CLTCL1: variants seen among roughly 807,000 people sequenced by gnomAD.
The protein encoded by CLTCL1 is clathrin heavy chain 2.
A neutral mutation model predicts 190.0 loss-of-function variants in CLTCL1; 159 were observed. The observed-to-expected ratio is 0.84, with a 90% CI of 0.74 to 0.95. The LOEUF (loss-of-function observed/expected upper bound fraction) is 0.95, where lower values mean the gene tolerates loss of function less well. CLTCL1 is among the 40% of genes least tolerant of loss of function. CLTCL1 has a pLI of 0.00. For missense variants in CLTCL1, 1,878 were observed against 2,033.4 expected (o/e 0.92, Z 1.47); for synonymous variants, 752 against 769.6 (o/e 0.98, Z 0.38).
chr22:19,281,016 C>A (rs530950589), intron 1 of CLTCL1, among the ~76,000 whole-genome samples: 1 of 150,492 alleles, frequency 6.6e-6, no homozygotes, highest in Non-Finnish European at 1.5e-5. Context: ...GTGGGCCGGG[C>A]GCGGCGGCTC....
chr22:19,246,978 A>G (rs554832845), intron 3 of CLTCL1, among the ~76,000 whole-genome samples: 92 of 152,314 alleles, frequency 6.0e-4, no homozygotes, highest in Non-Finnish European at 1.2e-3. Flanking sequence ...CCTTTTATGC[A>G]CAAAAGTTTT....
chr22:19,247,854 C>A (rs1162452126), intron 3 of CLTCL1, among the ~76,000 whole-genome samples: 2 of 151,920 alleles, frequency 1.3e-5, no homozygotes, highest in African/African-American at 4.8e-5. Flanking sequence ...AGTCACCGTG[C>A]CTGGCCCCCA....
In CLTCL1 at chr22:19,180,195, T is replaced by C. The variant is rs782299325; in HGVS notation, c.*20+4A>G. ...ATAAGCTAGTCTCCAAATGGGACAC[T>C]TACTTAGTGCAATCAGCTGGGTCTC... On this transcript the variant is annotated splice_donor_region_variant and intron_variant, in intron 32 of 32. Transcript: ENST00000427926. The C allele has an allele frequency of 1.2e-6, 2 of 1,613,274 alleles. No individual in the cohort carries two copies. Among genetic ancestry groups the C allele is most frequent in the South Asian group, 1.1e-5 (1 of 91,068 alleles).
Position 19,189,227 on chromosome 22 carries a change from A to G in CLTCL1, c.4324-1136T>C, listed in dbSNP as rs928209179. On this transcript the variant is annotated intron_variant, in intron 27 of 32. Coordinates refer to ENST00000427926, the MANE Select transcript of CLTCL1 (RefSeq NM_007098.4). The stretch of plus-strand genomic sequence containing the variant: ...TGGCAATTTCTTAAAATAAGACATC[A>G]ATGAGGTTTGCCTCACTGACTGACT... Among the ~76,000 whole-genome samples, 3 of 152,182 alleles carry G rather than the reference A, an allele frequency of 2.0e-5. No homozygotes were observed. The East Asian group carries it at 5.8e-4, about 29-fold the overall frequency.
chr22:19,184,508 C>T (rs562278703), intron 29 of CLTCL1: 138 of 456,086 alleles, frequency 3.0e-4, no homozygotes, highest in African/African-American at 2.5e-3. Flanking sequence ...TGCTGCTCAT[C>T]GATCGCTGCC....
chr22:19,236,312 TCA>T (rs1371587443), intron 5 of CLTCL1, among the ~76,000 whole-genome samples: 1 of 152,200 alleles, frequency 6.6e-6, no homozygotes, highest in Non-Finnish European at 1.5e-5. Flanking sequence ...AGCGATCCTT[TCA>T]CAGTTTATCG....
rs201846336 is a variant in CLTCL1 at position 19,199,736 on chromosome 22, G to A, written c.3871C>T (p.Gln1291Ter). 6.3e-7 allele frequency: 1 copy of A among 1,581,426 alleles called. No individual in the cohort carries two copies. The highest frequency in any genetic ancestry group is 8.6e-7 in the Non-Finnish European group (1 of 1,163,436). The change falls in exon 24 of 33, where the codon CAG (glutamine) becomes TAG (stop). Residue 1291 changes from glutamine to a stop codon, truncating the protein, a stop_gained and splice_region_variant. Coordinates refer to ENST00000427926, the MANE Select transcript of CLTCL1 (RefSeq NM_007098.4). LOFTEE classifies it high-confidence loss of function. ...DELEELMCYY[Q>*]DRGYFEELIL... is the part of the protein sequence containing the mutation. ...ACCAGCAGAGATCATCTGGTCACCT[G>A]GTAATAGCACATCAGCTCCTCCAGC...
chr22:19,208,792 T>C, intron 21 of CLTCL1, 130 bp downstream of exon 21: 1 of 749,298 alleles, frequency 1.3e-6, no homozygotes, highest in Non-Finnish European at 2.1e-6. Flanking sequence ...GAAACTTTCA[T>C]GTAGATGTGC....
chr22:19,233,496 A>T lies in CLTCL1; in HGVS notation c.1294T>A (p.Ser432Thr), dbSNP rs541936318. The change falls in exon 8 of 33, where the codon TCC (serine) becomes ACC (threonine). Residue 432 changes from serine (S) to threonine (T), a missense_variant. Coordinates refer to ENST00000427926, the MANE Select transcript of CLTCL1 (RefSeq NM_007098.4). ...LDQGQLNKLE[S>T]LELCHLVLQQ... ...AGAACCAGATGGCAAAGTTCTAAGG[A>T]TTCAAGTTTATTGAGCTGACCCTGG... The T allele has an allele frequency of 1.2e-6, 2 of 1,613,838 alleles. No individual in the cohort carries two copies. Among genetic ancestry groups the T allele is most frequent in the Non-Finnish European group, 1.7e-6 (2 of 1,179,878 alleles).
rs78180137 is a variant in CLTCL1, at chr22:19,256,488, C to G, written c.251-2261G>C. Among the ~76,000 whole-genome samples the G allele has an allele frequency of 4.0e-3, 597 of 151,136 alleles. 8 individuals are homozygous for G. The highest frequency in any genetic ancestry group is 0.014 in the African/African-American group (569 of 41,166). On this transcript the variant is annotated intron_variant, in intron 2 of 32. Transcript: ENST00000427926. Reference sequence around the variant, plus strand: ...TCTCCTGCCTCAGCCCCCCGAGTATCAGGGATTACAGGCACATGCCATCAC... The same window carrying G: ...TCTCCTGCCTCAGCCCCCCGAGTATGAGGGATTACAGGCACATGCCATCAC...
intron 32 of CLTCL1, 78 bp from the exon 33 acceptor site, chr22:19,180,047 C>T (rs2146165746): frequency 4.5e-6 from 3 of 665,000 alleles, no homozygotes; most frequent in Admixed American, 2.7e-5. Context: ...CTGAGTAGCC[C>T]GGGGCCCAGG....
intron 26 of CLTCL1, among the ~76,000 whole-genome samples, chr22:19,192,063 C>CTTTT (rs782761355): frequency 1.5e-4 from 18 of 118,304 alleles, no homozygotes; most frequent in Admixed American, 2.8e-4. Flanking sequence ...GCGATGTCAT[C>CTTTT]TTTTTTTTTT....
At chr22:19,196,678 G>T in intron 24 of CLTCL1, 22 bp from the exon 25 acceptor site, 1 of 1,599,312 alleles carries the variant, frequency 6.3e-7, no homozygotes, top group East Asian at 2.3e-5. Flanking sequence ...ACAGCCACGC[G>T]TGGGGCAGAG....
chr22:19,265,838 A>G (rs1421526687), intron 2 of CLTCL1, among the ~76,000 whole-genome samples: 1 of 152,208 alleles, frequency 6.6e-6, no homozygotes, highest in Admixed American at 6.5e-5. Flanking sequence ...TGCCAGAAGT[A>G]GGGTTTTTCA....
At chr22:19,210,548 G>A (rs950082674) in intron 19 of CLTCL1, 39 bp from the exon 20 acceptor site, 2 of 1,586,918 alleles carry the variant, frequency 1.3e-6, no homozygotes, top group Non-Finnish European at 8.6e-7. Context: ...TCCCAGGAAC[G>A]AAGGCTGCAC....
At chr22:19,233,370 G>C (rs1014419522) in intron 8 of CLTCL1, 52 bp from the exon 9 acceptor site, 7 of 1,610,448 alleles carry the variant, frequency 4.3e-6, no homozygotes, top group African/African-American at 1.3e-5. Context: ...AGGGAGCCTG[G>C]ACCAAGTTTT....
chr22:19,257,414 T>C (rs539012222), intron 2 of CLTCL1: 2 of 182,082 alleles, frequency 1.1e-5, no homozygotes, highest in South Asian at 1.2e-4. Context: ...CCTTACCTTA[T>C]ACCATATACA....
chr22:19,287,525 G>A (rs559797812), intron 1 of CLTCL1, among the ~76,000 whole-genome samples: 159 of 152,282 alleles, frequency 1.0e-3, no homozygotes, highest in African/African-American at 3.5e-3. Flanking sequence ...GAGGAAACAC[G>A]AAACCACTCC....
chr22:19,235,699 TC>T lies in CLTCL1; in HGVS notation c.965del (p.Gly322AspfsTer14). The T allele has an allele frequency of 6.2e-7, 1 of 1,612,636 alleles. No individual in the cohort carries two copies. The highest frequency in any genetic ancestry group is 8.5e-7 in the Non-Finnish European group (1 of 1,179,218). On this transcript the variant is annotated frameshift_variant, in exon 6 of 33. Coordinates refer to ENST00000427926, the MANE Select transcript of CLTCL1 (RefSeq NM_007098.4). LOFTEE classifies it high-confidence loss of function. ...ATGAAATGTCAGAGTTACACACCTG[TC>T]CCTTTTTGTTGACACCAATAATTCC... ...TSGIIGVNKK[G>X]QVLSVCVEED...
Sources: allele counts gnomAD v4.1 joint callset (sites outside exome capture counted in the v4.1 genomes callset), GRCh38; gene constraint gnomAD v4.1.1; transcripts MANE v1.5; gene names NCBI Gene and HGNC (gene_info 2026-07-23, HGNC 2026-07-21).